Variants in PCDH9 observed in about 807,000 individuals in gnomAD.
PCDH9 encodes the protein protocadherin-9.
PCDH9 carries 24 observed loss-of-function variants against 70.6 expected under a neutral mutation model. That is an observed-to-expected ratio of 0.34 (90% CI 0.25 to 0.48). PCDH9 has a LOEUF of 0.48. Ranked by LOEUF, PCDH9 falls within the 20% of genes least tolerant of loss-of-function variation. The probability of loss-of-function intolerance (pLI) is 0.99; values close to 1 mark genes in which losing one functional copy is unlikely to be tolerated. For missense variants in PCDH9, 1,281 were observed against 1,503.6 expected (o/e 0.85, Z 2.45); for synonymous variants, 562 against 558.5 (o/e 1.01, Z -0.09).
At chr13:66,426,220 G>GA (rs527582991) in intron 4 of PCDH9, among the ~76,000 whole-genome samples, 132 of 144,594 alleles carry the variant, frequency 9.1e-4, no homozygotes, top group South Asian at 4.8e-3. Context: ...TCATATGAAT[G>GA]AAAAAAAAAA....
intron 2 of PCDH9, among the ~76,000 whole-genome samples, chr13:66,997,027 C>G (rs956949817): frequency 9.9e-5 from 15 of 152,226 alleles, no homozygotes; most frequent in African/African-American, 3.6e-4. Flanking sequence ...CCTAAATACC[C>G]CTTTCAAGAG....
At chr13:67,084,347 C>A (rs1213185216) in intron 2 of PCDH9, among the ~76,000 whole-genome samples, 1 of 152,130 alleles carries the variant, frequency 6.6e-6, no homozygotes, top group African/African-American at 2.4e-5. Flanking sequence ...CACTCATGAG[C>A]CAGAGCTGAC....
intron 2 of PCDH9, among the ~76,000 whole-genome samples, chr13:66,912,378 TA>T (rs953531198): frequency 3.3e-5 from 5 of 152,280 alleles, no homozygotes; most frequent in Admixed American, 3.3e-4. Flanking sequence ...AGTATTAGTT[TA>T]TAGCATGTTC....
At chr13:67,085,016 ATATATATG>A (rs1255173559) in intron 2 of PCDH9, among the ~76,000 whole-genome samples, 3 of 130,202 alleles carry the variant, frequency 2.3e-5, no homozygotes, top group African/African-American at 5.6e-5. Flanking sequence ...ATATATATAT[ATATATATG>A]TATATGTTGC....
intron 2 of PCDH9, among the ~76,000 whole-genome samples, chr13:66,969,649 T>C (rs1468479533): frequency 6.6e-6 from 1 of 152,070 alleles, no homozygotes; most frequent in Non-Finnish European, 1.5e-5. Flanking sequence ...ATTGATTCAC[T>C]TTATACTATT....
chr13:66,432,581 G>C (rs915046467), intron 4 of PCDH9, among the ~76,000 whole-genome samples: 2 of 151,882 alleles, frequency 1.3e-5, no homozygotes, highest in Non-Finnish European at 1.5e-5. Context: ...TTATGTACCA[G>C]GCTGTAGCAG....
intron 3 of PCDH9, among the ~76,000 whole-genome samples, chr13:66,863,994 G>A (rs1039528782): frequency 1.1e-4 from 17 of 152,080 alleles, no homozygotes; most frequent in Non-Finnish European, 4.4e-5. Flanking sequence ...TCTTCACATG[G>A]TGGCAGCAAG....
chr13:66,878,415 C>T (rs1428734988), intron 3 of PCDH9, among the ~76,000 whole-genome samples: 2 of 151,902 alleles, frequency 1.3e-5, no homozygotes, highest in Non-Finnish European at 2.9e-5. Flanking sequence ...TTAGTAGAGA[C>T]AGGGTTTCAC....
At chr13:66,551,382 C>G (rs1002752722) in intron 4 of PCDH9, among the ~76,000 whole-genome samples, 32 of 152,096 alleles carry the variant, frequency 2.1e-4, no homozygotes, top group Admixed American at 6.6e-5. Context: ...AATCATATGT[C>G]CTTCTGCTGT....
chr13:67,157,936 G>C (rs1240151915), intron 2 of PCDH9, among the ~76,000 whole-genome samples: 1 of 152,046 alleles, frequency 6.6e-6, no homozygotes, highest in Non-Finnish European at 1.5e-5. Flanking sequence ...GCAACCTGGG[G>C]GTTGACATTA....
At position 66,824,719 on chromosome 13, in the gene PCDH9, C is replaced by T. The variant is rs199759077; in HGVS notation, c.3138+78785G>A. Reference sequence around the variant, plus strand: ...ATATGCACACACACATATATATATACACACACACATATATATATATACACA... The same window carrying T: ...ATATGCACACACACATATATATATATACACACACATATATATATATACACA... On this transcript the variant is annotated intron_variant, in intron 3 of 4. Transcript: ENST00000377865. Among the ~76,000 whole-genome samples, 13 of 134,036 alleles carry T rather than the reference C, an allele frequency of 9.7e-5. 1 individual carries two copies. The highest frequency in any genetic ancestry group is 3.2e-4 in the African/African-American group (11 of 34,678). The allele number at this position is 134,036 out of a possible 152,430, so 87.9% of individuals were successfully genotyped here. A position where few individuals can be genotyped will look rare whatever the true frequency, so the allele number is the denominator to read the frequency against.
At chr13:66,350,213 C>T (rs1470513907) in intron 4 of PCDH9, among the ~76,000 whole-genome samples, 1 of 152,162 alleles carries the variant, frequency 6.6e-6, no homozygotes, top group Non-Finnish European at 1.5e-5. Flanking sequence ...AAAGCACATT[C>T]ATTACCTTCT....
chr13:66,993,920 C>G (rs1439372316), intron 2 of PCDH9, among the ~76,000 whole-genome samples: 1 of 151,902 alleles, frequency 6.6e-6, no homozygotes, highest in East Asian at 1.9e-4. Context: ...AGTTGGAATA[C>G]AGAGAGCCCG....
chr13:66,975,505 T>G (rs1324980293), intron 2 of PCDH9, among the ~76,000 whole-genome samples: 1 of 152,028 alleles, frequency 6.6e-6, no homozygotes, highest in Non-Finnish European at 1.5e-5. Flanking sequence ...CACAGATACA[T>G]TAAGTAATTT....
intron 3 of PCDH9, among the ~76,000 whole-genome samples, chr13:66,649,419 A>G (rs1305039541): frequency 3.3e-5 from 5 of 151,974 alleles, no homozygotes; most frequent in Admixed American, 3.3e-4. Context: ...TTTGAAGTGC[A>G]AAAGAAAAAA....
chr13:66,539,675 T>C (rs1162402926), intron 4 of PCDH9, among the ~76,000 whole-genome samples: 1 of 152,116 alleles, frequency 6.6e-6, no homozygotes, highest in South Asian at 2.1e-4. Flanking sequence ...TTTTTTTGTT[T>C]GTTTGTTTTG....
chr13:66,621,084 T>C (rs977272728), intron 4 of PCDH9, among the ~76,000 whole-genome samples: 8 of 152,202 alleles, frequency 5.3e-5, no homozygotes, highest in African/African-American at 1.7e-4. Context: ...AAGTTTAATA[T>C]AGACTATGGC....
chr13:66,527,348 C>T (rs995533917), intron 4 of PCDH9, among the ~76,000 whole-genome samples: 2 of 151,872 alleles, frequency 1.3e-5, no homozygotes, highest in African/African-American at 2.4e-5. Context: ...AGTATCTCAC[C>T]TCTCTTTGAA....
At chr13:66,348,632 C>A (rs1294413511) in intron 4 of PCDH9, among the ~76,000 whole-genome samples, 2 of 151,292 alleles carry the variant, frequency 1.3e-5, no homozygotes, top group Non-Finnish European at 2.9e-5. Context: ...TCTCTTCTAA[C>A]CTATTGCCAT....
Sources: gnomAD v4.1 joint callset for allele counts (sites outside exome capture counted in the v4.1 genomes callset) on GRCh38, gnomAD v4.1.1 for gene constraint, MANE v1.5 for transcripts, NCBI Gene and HGNC (gene_info 2026-07-23, HGNC 2026-07-21) for gene names.